RYR1: variants seen among roughly 807,000 people sequenced by gnomAD.
RYR1 encodes central core disease of muscle.
In RYR1, 342 loss-of-function variants were observed where a neutral mutation model predicts 583.5. The observed-to-expected ratio is 0.59, with a 90% CI of 0.54 to 0.64. The LOEUF is 0.64. RYR1 is among the 30% of genes least tolerant of loss of function. The probability of loss-of-function intolerance (pLI) is 0.00; values close to 1 mark genes in which losing one functional copy is unlikely to be tolerated. For missense variants in RYR1, 6,032 were observed against 6,917.2 expected (o/e 0.87, Z 4.54); for synonymous variants, 2,791 against 2,822.5 (o/e 0.99, Z 0.35).
In RYR1 at chr19:38,567,798, G is replaced by T. The variant is rs139285170; in HGVS notation, c.13540G>T (p.Val4514Phe). ...ADAENGEKEEVPEPTPEPPKK... is the reference protein window; with the variant it reads ...ADAENGEKEEFPEPTPEPPKK... ...TGCCGAGAATGGGGAGAAGGAAGAA[G>T]TTCCCGAGCCCACACCAGAGCCCCC... The change falls in exon 93 of 106, where the codon GTT becomes TTT. Residue 4514 changes from valine to phenylalanine, a missense_variant. Val to Phe is a conservative substitution (Grantham distance 50, BLOSUM62 -1). This residue lies in a region of RYR1 where 753 missense variants were observed against 759.6 expected (regional missense o/e 0.99). Transcript: ENST00000359596. The T allele has an allele frequency of 1.2e-5, 19 of 1,614,040 alleles. No homozygotes were observed. In the African/African-American group the frequency reaches 1.7e-4, roughly 15 times the overall value.
intron 9 of RYR1, 97 bp downstream of exon 9, chr19:38,446,865 G>C: frequency 2.1e-6 from 2 of 965,022 alleles, no homozygotes; most frequent in Admixed American, 4.6e-5. Context: ...CTGATAAAGA[G>C]ACTGAAGGGT....
At position 38,466,394 on chromosome 19, in the gene RYR1, G is replaced by T; in HGVS notation, c.3174G>T (p.Glu1058Asp). ...ACAACATCGAGCCTCCTGACCAGGA[G>T]CCCAGTGAGTGCTCACCCCTGGCCC... ...YGYNIEPPDQ[E>D]PSQVENQSRC... The change falls in exon 24 of 106, where the codon GAG (glutamate) becomes GAT (aspartate). Residue 1058 changes from glutamate (E) to aspartate (D), a missense_variant. Around this residue, in one of 11 missense-constraint regions of RYR1, gnomAD observed 2,627 missense variants for 2,961.3 expected, o/e 0.89. Coordinates refer to ENST00000359596, the MANE Select transcript of RYR1 (RefSeq NM_000540.3). The T allele has an allele frequency of 6.5e-7, 1 of 1,545,882 alleles. No homozygotes were observed. The highest frequency in any genetic ancestry group is 8.7e-7 in the Non-Finnish European group (1 of 1,147,888).
chr19:38,572,598 A>G (rs1384517309), intron 95 of RYR1, among the ~76,000 whole-genome samples: 4 of 151,900 alleles, frequency 2.6e-5, no homozygotes, highest in African/African-American at 9.7e-5. Flanking sequence ...TCTGCCTGCA[A>G]TACTTTGCCC....
At chr19:38,498,104 C>T (rs1426040902) in intron 42 of RYR1, among the ~76,000 whole-genome samples, 1 of 152,200 alleles carries the variant, frequency 6.6e-6, no homozygotes, top group Non-Finnish European at 1.5e-5. Context: ...TGCAAAGGCC[C>T]TGAGGCAGGA....
intron 27 of RYR1, 110 bp from the exon 28 acceptor site, chr19:38,473,267 A>G: frequency 3.7e-6 from 5 of 1,354,750 alleles, no homozygotes; most frequent in Non-Finnish European, 5.3e-6. Flanking sequence ...ACTAATTCCC[A>G]TGCAGGTGCA....
chr19:38,519,518 T>C, intron 67 of RYR1, 64 bp downstream of exon 67: 25 of 1,535,334 alleles, frequency 1.6e-5, no homozygotes, highest in Non-Finnish European at 2.1e-5. Context: ...CAGCCCCATC[T>C]GATCTCCGCC....
Position 38,477,862 on chromosome 19 carries a change from C to T in RYR1, c.4446C>T (p.Val1482=). The change falls in exon 30 of 106, where the codon GTC becomes GTT. Residue 1482 remains valine (V), a synonymous_variant. Coordinates refer to ENST00000359596, the MANE Select transcript of RYR1 (RefSeq NM_000540.3). ...CCATGGGGGATGAACAAGGCAACGT[C>T]CACAGCAGGTGCCGGGGCTGGGGGG... ...TVTMGDEQGN[V]HSSLKCSNCY... 1 of 1,613,084 alleles carries T rather than the reference C, an allele frequency of 6.2e-7. No individual in the cohort carries two copies. The highest frequency in any genetic ancestry group is 1.1e-5 in the South Asian group (1 of 91,016).
Position 38,461,458 on chromosome 19 carries a change from G to C in RYR1, c.2577+867G>C, listed in dbSNP as rs563645397. On this transcript the variant is annotated intron_variant, in intron 20 of 105. Transcript: ENST00000359596. Reference sequence around the variant, plus strand: ...TCCTCACCACTGCCCCACAAAGAAAGGGTGGCTCACACCTGCGATCCTAGA... The same window carrying C: ...TCCTCACCACTGCCCCACAAAGAAACGGTGGCTCACACCTGCGATCCTAGA... Among the ~76,000 whole-genome samples, 6 of 152,022 alleles carry C rather than the reference G, an allele frequency of 3.9e-5. No homozygotes were observed. In the East Asian group the frequency reaches 7.7e-4, roughly 20 times the overall value.
chr19:38,543,679 G>A lies in RYR1; in HGVS notation c.11907+19G>A. 1.9e-6 allele frequency: 3 copies of A among 1,612,956 alleles called. No individual in the cohort carries two copies. Among genetic ancestry groups the A allele is most frequent in the Middle Eastern group, 1.6e-4 (1 of 6,062 alleles). ...CATCCAGGTAGGGCGCTCCCCCTGG[G>A]GCGGGAGTGGGAAGGGAGGGGGTCC... is the stretch of plus-strand genomic sequence containing the variant. On this transcript the variant is annotated intron_variant, in intron 86 of 105. Transcript: ENST00000359596. This position sits in a 1 kb window ranked among gnomAD's most constrained non-coding sequence, Gnocchi z 4.4.
intron 90 of RYR1, among the ~76,000 whole-genome samples, chr19:38,562,688 T>C (rs1293800501): frequency 3.3e-5 from 5 of 152,004 alleles, no homozygotes; most frequent in Non-Finnish European, 1.5e-5. Flanking sequence ...GCACACTGCA[T>C]AACTGCAGGC....
intron 29 of RYR1, 82 bp from the exon 30 acceptor site, chr19:38,477,628 C>G: frequency 6.3e-7 from 1 of 1,589,266 alleles, no homozygotes; most frequent in Non-Finnish European, 8.6e-7. Context: ...CCCAACAGTC[C>G]AGGGAAACCA....
At chr19:38,506,410 G>A (rs754204237) in intron 55 of RYR1, 33 bp downstream of exon 55, 3 of 1,613,790 alleles carry the variant, frequency 1.9e-6, no homozygotes, top group East Asian at 2.2e-5. Context: ...GGGGACATAG[G>A]GTGTCTTTGG....
At chr19:38,578,932 T>A (rs1974076727) in intron 99 of RYR1, among the ~76,000 whole-genome samples, 1 of 151,488 alleles carries the variant, frequency 6.6e-6, no homozygotes, top group Non-Finnish European at 1.5e-5. Flanking sequence ...GCAACTTTTG[T>A]AGAGACGGTG....
At chr19:38,470,147 G>A (rs1244632826) in intron 27 of RYR1, among the ~76,000 whole-genome samples, 1 of 150,436 alleles carries the variant, frequency 6.6e-6, no homozygotes, top group African/African-American at 2.4e-5. Context: ...GCCTGGGCAA[G>A]GAGAGCGAAA....
Position 38,519,459 on chromosome 19 carries a change from G to A in RYR1, c.10259+5G>A. On this transcript the variant is annotated splice_donor_5th_base_variant and intron_variant, in intron 67 of 105. Transcript: ENST00000359596. ...CCGCTACGTGGACAACAACAGGTCAGCGGGGCCCCGCTGTCCCCATGCCCT... is the reference window on the plus strand; with the variant it reads ...CCGCTACGTGGACAACAACAGGTCAACGGGGCCCCGCTGTCCCCATGCCCT... 1 of 1,587,994 alleles carries A rather than the reference G, an allele frequency of 6.3e-7. No homozygotes were observed. The highest frequency in any genetic ancestry group is 8.6e-7 in the Non-Finnish European group (1 of 1,168,434).
At chr19:38,435,006 C>T (rs552631631) in intron 1 of RYR1, among the ~76,000 whole-genome samples, 2 of 152,264 alleles carry the variant, frequency 1.3e-5, no homozygotes, top group South Asian at 4.1e-4. Flanking sequence ...GAGACTCTCT[C>T]CCCAGCCCCA....
rs780267024 is a variant in RYR1 at position 38,494,852 on chromosome 19, C to CT, written c.6548+227_6548+228insT. 0.065 allele frequency among the ~76,000 whole-genome samples: 9,234 copies of CT among 142,014 alleles called. 986 individuals carry two copies. The highest frequency in any genetic ancestry group is 0.2 in the African/African-American group (7,125 of 35,280). The allele number at this position is 142,014 out of a possible 152,430, so 93.2% of individuals were successfully genotyped here. ...CTCAGCAGGACATTCCCCACCCCCC[C>CT]CTTTTTTTTTTTTTTTGTGAGACTG... On this transcript the variant is annotated intron_variant, in intron 39 of 105. Coordinates refer to ENST00000359596, the MANE Select transcript of RYR1 (RefSeq NM_000540.3).
At chr19:38,468,436 G>A (rs564892545) in intron 25 of RYR1, among the ~76,000 whole-genome samples, 2 of 152,112 alleles carry the variant, frequency 1.3e-5, no homozygotes, top group African/African-American at 4.8e-5. Flanking sequence ...CCCTCTATCT[G>A]TCATCCATTT....
chr19:38,457,564 T>A lies in RYR1; in HGVS notation c.1859T>A (p.Ile620Asn). The change falls in exon 17 of 106, where the codon ATT (isoleucine) becomes AAT (asparagine). Residue 620 changes from isoleucine to asparagine, a missense_variant. By Grantham distance (149) the Ile-to-Asn change is moderately radical (BLOSUM62 -3). Coordinates refer to ENST00000359596, the MANE Select transcript of RYR1 (RefSeq NM_000540.3). ...GVAVRSNQDL[I>N]TENLLPGREL... ...GCTGTACGCTCCAACCAAGATCTTA[T>A]TACTGAGAACTTGCTGCCTGGCCGT... 6.2e-7 allele frequency: 1 copy of A among 1,614,146 alleles called. No individual in the cohort carries two copies. The highest frequency in any genetic ancestry group is 8.5e-7 in the Non-Finnish European group (1 of 1,180,006).
Sources: gnomAD v4.1 joint callset for allele counts (sites outside exome capture counted in the v4.1 genomes callset) on GRCh38, gnomAD v4.1.1 for gene constraint, gnomAD v4.1.1 regional missense constraint, Gnocchi (gnomAD v3.1) non-coding constraint, MANE v1.5 for transcripts, NCBI Gene and HGNC (gene_info 2026-07-23, HGNC 2026-07-21) for gene names.